ATP2B2: variants seen among roughly 807,000 people sequenced by gnomAD.
ATP2B2 encodes plasma membrane calcium-transporting ATPase 2.
In ATP2B2, 15 loss-of-function variants were observed where a neutral mutation model predicts 120.0. The ratio of observed to expected loss-of-function variants is 0.12; its 90% CI spans 0.08 to 0.19. The LOEUF is 0.19. Among genes scored for constraint, ATP2B2 ranks in the 10% least tolerant of loss-of-function variants. ATP2B2 has a pLI of 1.00. For missense variants in ATP2B2, 1,045 were observed against 1,719.8 expected (o/e 0.61, Z 6.94); for synonymous variants, 694 against 700.3 (o/e 0.99, Z 0.14).
intron 2 of ATP2B2, among the ~76,000 whole-genome samples, chr3:10,425,990 C>T (rs1575189630): frequency 6.6e-6 from 1 of 152,128 alleles, no homozygotes; most frequent in African/African-American, 2.4e-5. Flanking sequence ...ACAGAGGGCC[C>T]CTGCTCTCCT....
chr3:10,607,464 T>C (rs1268020493), intron 2 of ATP2B2, among the ~76,000 whole-genome samples: 1 of 152,148 alleles, frequency 6.6e-6, no homozygotes, highest in Non-Finnish European at 1.5e-5. Flanking sequence ...GAGGGGTCAG[T>C]GGTGAGCCAA....
chr3:10,350,157 C>A lies in ATP2B2; in HGVS notation c.2359G>T (p.Val787Leu), dbSNP rs2060537313. The A allele has an allele frequency of 6.2e-7, 1 of 1,613,914 alleles. No homozygotes were observed. The highest frequency in any genetic ancestry group is 8.5e-7 in the Non-Finnish European group (1 of 1,179,980). Residue 787 changes from valine (V) to leucine (L), a missense_variant, in exon 16 of 23, where the codon GTG becomes TTG. Val to Leu is a conservative substitution (Grantham distance 32, BLOSUM62 1). Coordinates refer to ENST00000360273, the MANE Select transcript of ATP2B2 (RefSeq NM_001001331.4). The part of the protein sequence containing the change: ...RIDKIWPKLR[V>L]LARSSPTDKH... ...TCCGTTGGGGAGGAGCGAGCCAGCA[C>A]CCGCAGCTTTGGCCAGATCTTGTCA...
rs2060342871 is a variant in ATP2B2, at chr3:10,343,490, G to A, written c.2704-525C>T. Among the ~76,000 whole-genome samples the A allele has an allele frequency of 0.016, 1 of 62 alleles. No individual in the cohort carries two copies. The highest frequency in any genetic ancestry group is 0.042 in the African/African-American group (1 of 24). The allele number at this position is 62 out of a possible 152,430, so 0.0% of individuals were successfully genotyped here. On this transcript the variant is annotated intron_variant, in intron 18 of 22. Coordinates refer to ENST00000360273, the MANE Select transcript of ATP2B2 (RefSeq NM_001001331.4). The surrounding 1 kb of genome is among the most constrained non-coding windows in gnomAD (Gnocchi z 4.2). ...GACTCAAAAATTAATACATTTCAAG[G>A]TAGGAAATATGGCAAATGAGGAATA...
At chr3:10,683,760 G>GTGTATA (rs1446781892) in intron 1 of ATP2B2, among the ~76,000 whole-genome samples, 646 of 53,650 alleles carry the variant, frequency 0.012, 11 homozygotes, top group Non-Finnish European at 0.015. Context: ...GTGTGTGTGT[G>GTGTATA]TATATATATA....
At chr3:10,351,612 C>G (rs145949657) in intron 14 of ATP2B2, among the ~76,000 whole-genome samples, 9 of 152,242 alleles carry the variant, frequency 5.9e-5, no homozygotes, top group South Asian at 4.2e-4. Context: ...TGTATTCCCC[C>G]CAAAAGACAG....
In ATP2B2 at chr3:10,385,268, C is replaced by T; in HGVS notation, c.1000G>A (p.Gly334Ser). 1 of 1,613,450 alleles carries T rather than the reference C, an allele frequency of 6.2e-7. No individual in the cohort carries two copies. Residue 334 changes from glycine (G) to serine (S), a missense_variant and splice_region_variant, in exon 8 of 23, where the codon GGT (glycine) becomes AGT (serine). By Grantham distance (56) the Gly-to-Ser change is moderately conservative (BLOSUM62 0). Transcript: ENST00000360273. ...CAGGAGCTCGCCGTGGGAGACATACCATTGACTAGGCTGGCATTCGCACTA... is the reference window on the plus strand; with the variant it reads ...CAGGAGCTCGCCGTGGGAGACATACTATTGACTAGGCTGGCATTCGCACTA... ...ADSANASLVN[G>S]KMQDGNVDAS... is the part of the protein sequence containing the mutation.
intron 1 of ATP2B2, among the ~76,000 whole-genome samples, chr3:10,466,188 G>C (rs372501653): frequency 3.9e-5 from 6 of 152,200 alleles, no homozygotes; most frequent in Admixed American, 2.0e-4. Flanking sequence ...TTTTTAGGTT[G>C]AGCTGAGATT....
intron 2 of ATP2B2, among the ~76,000 whole-genome samples, chr3:10,553,261 C>A: frequency 6.6e-6 from 1 of 152,228 alleles, no homozygotes; most frequent in East Asian, 1.9e-4. Flanking sequence ...AAGCGGTGTT[C>A]TTTCCCGGAC....
intron 14 of ATP2B2, among the ~76,000 whole-genome samples, chr3:10,350,958 A>G (rs1428878526): frequency 2.0e-5 from 3 of 152,140 alleles, no homozygotes; most frequent in Non-Finnish European, 4.4e-5. Flanking sequence ...TGGCCAGGTG[A>G]ACTTCTCTTT....
intron 1 of ATP2B2, among the ~76,000 whole-genome samples, chr3:10,477,806 G>T (rs1047646709): frequency 6.6e-6 from 1 of 152,210 alleles, no homozygotes; most frequent in African/African-American, 2.4e-5. Context: ...TGGACACTTC[G>T]ATTGTTCCCT....
intron 1 of ATP2B2, among the ~76,000 whole-genome samples, chr3:10,669,708 GGTTT>G (rs2071043446): frequency 6.6e-6 from 1 of 152,142 alleles, no homozygotes; most frequent in African/African-American, 2.4e-5. Flanking sequence ...CCCTGGCCAT[GGTTT>G]GCATCGCCTC....
At chr3:10,616,278 T>A (rs1310173594) in intron 2 of ATP2B2, among the ~76,000 whole-genome samples, 1 of 152,238 alleles carries the variant, frequency 6.6e-6, no homozygotes, top group Non-Finnish European at 1.5e-5. Context: ...TGGGCCCTTA[T>A]TCAATCTGAC....
At chr3:10,365,271 T>C (rs906122439) in intron 12 of ATP2B2, among the ~76,000 whole-genome samples, 2 of 152,220 alleles carry the variant, frequency 1.3e-5, no homozygotes, top group South Asian at 4.1e-4. Flanking sequence ...ACCCCACCAA[T>C]GCCATAGGGC....
intron 3 of ATP2B2, among the ~76,000 whole-genome samples, chr3:10,526,361 T>C (rs1419106479): frequency 6.6e-6 from 1 of 152,174 alleles, no homozygotes; most frequent in Non-Finnish European, 1.5e-5. Context: ...AAGCTGGGGT[T>C]CCAATCATTC....
chr3:10,393,562 C>T (rs1000365055), intron 5 of ATP2B2, among the ~76,000 whole-genome samples: 1 of 152,098 alleles, frequency 6.6e-6, no homozygotes, highest in African/African-American at 2.4e-5. Context: ...GTCTGTGGCT[C>T]CAATCTTGTG....
chr3:10,509,131 GGGCAATAGAGGAGGCTCTCTGCACGAA>G (rs1162161633), upstream of ATP2B2, among the ~76,000 whole-genome samples: 3 of 152,150 alleles, frequency 2.0e-5, no homozygotes, highest in Non-Finnish European at 4.4e-5. Context: ...CTCTGCACAA[GGGCAATAGAGGAGGCTCTCTGCACGAA>G]GGCAATAGAG....
chr3:10,452,844 G>A (rs190005242), intron 1 of ATP2B2, among the ~76,000 whole-genome samples: 2 of 152,326 alleles, frequency 1.3e-5, no homozygotes, highest in East Asian at 1.9e-4. Context: ...TGGAGCCCCA[G>A]GAGGCCTCAG....
chr3:10,598,238 C>T (rs764858556), intron 2 of ATP2B2, among the ~76,000 whole-genome samples: 4 of 152,216 alleles, frequency 2.6e-5, no homozygotes, highest in Non-Finnish European at 5.9e-5. Context: ...GTGGTAACTC[C>T]GTAGTGATTA....
intron 2 of ATP2B2, among the ~76,000 whole-genome samples, chr3:10,540,604 C>A (rs886724413): frequency 2.0e-5 from 3 of 151,540 alleles, no homozygotes; most frequent in African/African-American, 7.3e-5. Flanking sequence ...TCATTCTGAG[C>A]AAACTGTTGC....
Sources: allele counts gnomAD v4.1 joint callset (sites outside exome capture counted in the v4.1 genomes callset), GRCh38; gene constraint gnomAD v4.1.1; non-coding constraint Gnocchi (gnomAD v3.1); transcripts MANE v1.5; gene names NCBI Gene and HGNC (gene_info 2026-07-23, HGNC 2026-07-21).